The following ZBTB20 variants were observed in gnomAD, a reference collection of about 807,000 sequenced individuals.
ZBTB20 encodes zinc finger and BTB domain-containing protein 20.
Under a neutral mutation model 56.9 loss-of-function variants are expected in ZBTB20, and 9 were observed. The observed-to-expected ratio is 0.16, with a 90% CI of 0.10 to 0.28. The LOEUF (loss-of-function observed/expected upper bound fraction) is 0.28. Among genes scored for constraint, ZBTB20 ranks in the 10% least tolerant of loss-of-function variants. The pLI is 1.00. For synonymous variants in ZBTB20, 417 were observed against 420.7 expected, an observed-to-expected ratio of 0.99 and a Z score of 0.11; for missense variants, 655 against 1,003.0, an observed-to-expected ratio of 0.65 and a Z score of 4.69.
chr3:114,548,374 T>C (rs552969249), intron 6 of ZBTB20, among the ~76,000 whole-genome samples: 5 of 152,178 alleles, frequency 3.3e-5, no homozygotes, highest in Admixed American at 6.5e-5. Context: ...ATCTCATTTC[T>C]CTCATGCAAC....
At chr3:115,047,069 T>A (rs2081360133) in intron 2 of ZBTB20, among the ~76,000 whole-genome samples, 1 of 152,220 alleles carries the variant, frequency 6.6e-6, no homozygotes, top group Non-Finnish European at 1.5e-5. Flanking sequence ...AAAGGAATTT[T>A]ATCAATACTT....
At chr3:114,721,226 G>A (rs1388346458) in intron 5 of ZBTB20, among the ~76,000 whole-genome samples, 1 of 152,118 alleles carries the variant, frequency 6.6e-6, no homozygotes, top group African/African-American at 2.4e-5. Flanking sequence ...TTGTAAAGTA[G>A]GACACTGGCA....
At position 114,380,398 on chromosome 3, in the gene ZBTB20, T is replaced by C; in HGVS notation, c.18A>G (p.Lys6=). 1.3e-6 allele frequency: 2 copies of C among 1,524,740 alleles called. No homozygotes were observed. Among genetic ancestry groups the C allele is most frequent in the Non-Finnish European group, 1.8e-6 (2 of 1,141,048 alleles). 94.5% of individuals were successfully genotyped at this position (1,524,740 alleles called of 1,614,324 possible). The change falls in exon 10 of 12, where the codon AAA becomes AAG. Residue 6 remains lysine (K), a synonymous_variant. Transcript: ENST00000675478. ...CCTTCTGGTTTTCAGCTGTCTTGGG[T>C]TTCTTCCTGAAAATAAACAAAGGGC... MLERK[K]PKTAENQKAS... is the part of the protein sequence containing the mutation.
intron 2 of ZBTB20, among the ~76,000 whole-genome samples, chr3:114,994,009 T>C (rs2078926460): frequency 6.6e-6 from 1 of 151,830 alleles, no homozygotes; most frequent in South Asian, 2.1e-4. Context: ...ACCATATTAT[T>C]TTTTCAGTAT....
At chr3:114,444,538 C>T in intron 7 of ZBTB20, among the ~76,000 whole-genome samples, 1 of 152,126 alleles carries the variant, frequency 6.6e-6, no homozygotes, top group Non-Finnish European at 1.5e-5. Flanking sequence ...TTTTAGTGGT[C>T]AGCCTTTTGG....
At chr3:114,501,452 C>G (rs1030400288) in intron 6 of ZBTB20, among the ~76,000 whole-genome samples, 1 of 151,836 alleles carries the variant, frequency 6.6e-6, no homozygotes, top group Non-Finnish European at 1.5e-5. Flanking sequence ...ATGGTGGAAC[C>G]CTGTTTCTAC....
chr3:114,451,685 G>A (rs1164034367), intron 7 of ZBTB20, among the ~76,000 whole-genome samples: 2 of 152,056 alleles, frequency 1.3e-5, no homozygotes, highest in Non-Finnish European at 2.9e-5. Context: ...GTCCTAACAG[G>A]CCATTCTCCG....
At chr3:114,881,250 A>C (rs551155322) in intron 4 of ZBTB20, among the ~76,000 whole-genome samples, 29 of 152,178 alleles carry the variant, frequency 1.9e-4, no homozygotes, top group Admixed American at 4.6e-4. Context: ...CAACTCTTAG[A>C]AAGAGTCTCC....
chr3:114,504,290 A>G (rs573554071), intron 6 of ZBTB20, among the ~76,000 whole-genome samples: 1 of 152,278 alleles, frequency 6.6e-6, no homozygotes, highest in Non-Finnish European at 1.5e-5. Context: ...CAGAGAGATG[A>G]TAATGATATA....
At chr3:114,618,017 T>C (rs1447283439) in intron 6 of ZBTB20, among the ~76,000 whole-genome samples, 1 of 151,610 alleles carries the variant, frequency 6.6e-6, no homozygotes. Context: ...TACATATATA[T>C]ATATATTTTA....
intron 3 of ZBTB20, among the ~76,000 whole-genome samples, chr3:114,925,191 C>A (rs2076110387): frequency 1.3e-5 from 2 of 151,892 alleles, no homozygotes; most frequent in South Asian, 4.2e-4. Flanking sequence ...ACCACGTTAG[C>A]CAGGATGGTC....
At chr3:114,614,937 T>C (rs1482822243) in intron 6 of ZBTB20, among the ~76,000 whole-genome samples, 2 of 152,142 alleles carry the variant, frequency 1.3e-5, no homozygotes, top group Admixed American at 1.3e-4. Context: ...TTTGTATTTT[T>C]AGTAGAGACG....
At chr3:114,803,308 C>T (rs2071858966) in intron 4 of ZBTB20, among the ~76,000 whole-genome samples, 1 of 151,552 alleles carries the variant, frequency 6.6e-6, no homozygotes. Context: ...ACATCACTTA[C>T]AACTACCAAC....
At chr3:114,624,509 A>T (rs1396724985) in intron 6 of ZBTB20, among the ~76,000 whole-genome samples, 1 of 152,192 alleles carries the variant, frequency 6.6e-6, no homozygotes, top group Admixed American at 6.5e-5. Flanking sequence ...AGGAAAGGAG[A>T]ACAAAACAGA....
intron 1 of ZBTB20, among the ~76,000 whole-genome samples, chr3:115,120,030 A>G (rs1242053649): frequency 1.3e-5 from 2 of 152,052 alleles, no homozygotes; most frequent in Non-Finnish European, 2.9e-5. Context: ...TGGGGGAGAG[A>G]GGGATGAATA....
chr3:114,717,599 T>A (rs561675754), intron 5 of ZBTB20, among the ~76,000 whole-genome samples: 3 of 152,166 alleles, frequency 2.0e-5, no homozygotes, highest in African/African-American at 7.2e-5. Context: ...TGTTTGTGTA[T>A]ATTTATATGC....
intron 3 of ZBTB20, among the ~76,000 whole-genome samples, chr3:114,959,500 G>A (rs570895136): frequency 6.6e-6 from 1 of 152,198 alleles, no homozygotes; most frequent in East Asian, 1.9e-4. Flanking sequence ...GGAAAGGTAA[G>A]TAACTAAGTA....
intron 1 of ZBTB20, among the ~76,000 whole-genome samples, chr3:115,090,146 C>T (rs754641287): frequency 6.6e-6 from 1 of 151,694 alleles, no homozygotes; most frequent in Non-Finnish European, 1.5e-5. Flanking sequence ...TTTAAAAGCC[C>T]TTGGCTGATT....
intron 5 of ZBTB20, among the ~76,000 whole-genome samples, chr3:114,796,549 T>A (rs2071354938): frequency 6.6e-6 from 1 of 151,900 alleles, no homozygotes; most frequent in South Asian, 2.1e-4. Flanking sequence ...CCCTGCTCCA[T>A]CTCTTTCAAT....
Sources: allele counts gnomAD v4.1 joint callset (sites outside exome capture counted in the v4.1 genomes callset), GRCh38; gene constraint gnomAD v4.1.1; transcripts MANE v1.5; gene names NCBI Gene and HGNC (gene_info 2026-07-23, HGNC 2026-07-21).